The following ITLN1 variants were observed in gnomAD, a reference collection of about 807,000 sequenced individuals.
ITLN1 encodes intelectin-1.
A neutral mutation model predicts 36.2 loss-of-function variants in ITLN1; 29 were observed. That is an observed-to-expected ratio of 0.80 (90% confidence interval 0.60 to 1.09). The LOEUF (loss-of-function observed/expected upper bound fraction) is 1.09, where lower values mean the gene tolerates loss of function less well. ITLN1 is among the 50% of genes least tolerant of loss of function. The probability of loss-of-function intolerance (pLI) is 0.00; values close to 1 mark genes in which losing one functional copy is unlikely to be tolerated. For missense variants in ITLN1, 358 were observed against 405.2 expected (o/e 0.88, Z 1.00); for synonymous variants, 143 against 146.5 (o/e 0.98, Z 0.17).
chr1:160,880,889 C>T (rs1670665051), intron 5 of ITLN1, among the ~76,000 whole-genome samples, 181 bp from the exon 6 acceptor site: 1 of 152,186 alleles, frequency 6.6e-6, no homozygotes, highest in Non-Finnish European at 1.5e-5. Context: ...GAGAGCTGTG[C>T]TTCTGCGGCA....
intron 2 of ITLN1, among the ~76,000 whole-genome samples, chr1:160,883,870 A>C (rs1670717741): frequency 6.6e-6 from 1 of 152,232 alleles, no homozygotes; most frequent in African/African-American, 2.4e-5. Flanking sequence ...AATTGCTAAC[A>C]AGTCAACAGA....
At position 160,880,758 on chromosome 1, in the gene ITLN1, T is replaced by C. The variant is rs1251913313; in HGVS notation, c.565-50A>G. On this transcript the variant is annotated intron_variant, in intron 5 of 7. Transcript: ENST00000326245. ...TGGAGTAAAGACAATAGCTTTGCCATTACCAGCATCTCCTGGGATGCTGCC... is the reference window on the plus strand; with the variant it reads ...TGGAGTAAAGACAATAGCTTTGCCACTACCAGCATCTCCTGGGATGCTGCC... 3 of 1,602,620 alleles carry C rather than the reference T, an allele frequency of 1.9e-6. No homozygotes were observed. The South Asian group carries it at 3.3e-5, about 18-fold the overall frequency.
In ITLN1 at chr1:160,878,385, C is replaced by T. The variant is rs1194070910; in HGVS notation, c.789+926G>A. 6.4e-5 allele frequency among the ~76,000 whole-genome samples: 9 copies of T among 140,518 alleles called. 1 individual carries two copies. In the Middle Eastern group the frequency reaches 0.018, roughly 287 times the overall value. 92.2% of individuals were successfully genotyped at this position (140,518 alleles called of 152,430 possible). On this transcript the variant is annotated intron_variant, in intron 7 of 7. Transcript: ENST00000326245. ...CAGTCTCAGATATTTCTTTTTCTTT[C>T]TTTTTTTTTTTTTTTATTGAGACAG...
At chr1:160,880,389 T>G (rs1290017052) in intron 6 of ITLN1, among the ~76,000 whole-genome samples, 199 bp downstream of exon 6, 2 of 152,150 alleles carry the variant, frequency 1.3e-5, no homozygotes, top group African/African-American at 4.8e-5. Context: ...CACAAGTTTC[T>G]AAACCTCTCA....
intron 2 of ITLN1, 42 bp from the exon 3 acceptor site, chr1:160,883,568 CA>C (rs769493567): frequency 3.0e-6 from 4 of 1,344,758 alleles, no homozygotes; most frequent in Non-Finnish European, 3.2e-6. Context: ...CGGTTTGACA[CA>C]AAACCTACCC....
intron 2 of ITLN1, 132 bp downstream of exon 2, chr1:160,884,688 A>G: frequency 1.5e-6 from 1 of 652,288 alleles, no homozygotes; most frequent in South Asian, 2.0e-5. Context: ...GCCAGAGACC[A>G]GAAATCGGCA....
In ITLN1 at chr1:160,876,804, C is replaced by A; in HGVS notation, c.802G>T (p.Gly268Ter). The change falls in exon 8 of 8, where the codon GGA becomes TGA. Residue 268 changes from glycine to a stop codon, truncating the protein, a stop_gained. Transcript: ENST00000326245. LOFTEE classifies it low-confidence loss of function (END_TRUNC). ...CTGGCCTCTGGAAAGTATCCTCCTC[C>A]ACCAATGCAGTGCTGGGAAACAAAG... ...GCNTEHHCIG[G>*]GGYFPEASPQ... 1.2e-6 allele frequency: 2 copies of A among 1,614,176 alleles called. No individual in the cohort carries two copies. The highest frequency in any genetic ancestry group is 1.7e-6 in the Non-Finnish European group (2 of 1,180,004).
intron 3 of ITLN1, 27 bp downstream of exon 3, chr1:160,883,401 G>A (rs1328060162): frequency 1.3e-6 from 2 of 1,492,024 alleles, no homozygotes; most frequent in Admixed American, 3.3e-5. Flanking sequence ...CCCTGACTGA[G>A]CTCTGTTTGA....
intron 4 of ITLN1, 100 bp downstream of exon 4, chr1:160,881,857 C>T: frequency 1.3e-6 from 2 of 1,521,952 alleles, no homozygotes; most frequent in Non-Finnish European, 1.8e-6. Flanking sequence ...TTCTCCAGCC[C>T]ATCCCACACC....
At chr1:160,877,739 C>T (rs1469060150) in intron 7 of ITLN1, among the ~76,000 whole-genome samples, 1 of 152,160 alleles carries the variant, frequency 6.6e-6, no homozygotes, top group Non-Finnish European at 1.5e-5. Context: ...AATTGTAATC[C>T]CCAGTGTTGG....
intron 7 of ITLN1, 68 bp downstream of exon 7, chr1:160,879,243 C>T (rs1670639866): frequency 5.4e-6 from 6 of 1,109,678 alleles, no homozygotes; most frequent in Admixed American, 3.4e-5. Context: ...AACACACTCA[C>T]ACATACCAAC....
chr1:160,885,042 A>G lies in ITLN1; in HGVS notation c.-7+19T>C. ...AAAGCAGACCTAAGCTGAAAACAGG[A>G]TTCCCCCAACTCACAGACCTTGTCT... On this transcript the variant is annotated intron_variant, in intron 1 of 7. Transcript: ENST00000326245. 1 of 568,802 alleles carries G rather than the reference A, an allele frequency of 1.8e-6. No homozygotes were observed. Among genetic ancestry groups the G allele is most frequent in the Non-Finnish European group, 3.2e-6 (1 of 313,548 alleles). 35.2% of individuals were successfully genotyped at this position (568,802 alleles called of 1,614,324 possible).
At position 160,876,877 on chromosome 1, in the gene ITLN1, C is replaced by A; in HGVS notation, c.790-61G>T. The A allele has an allele frequency of 2.0e-6, 3 of 1,527,868 alleles. No individual in the cohort carries two copies. In the South Asian group the frequency reaches 3.5e-5, roughly 18 times the overall value. 94.6% of individuals were successfully genotyped at this position (1,527,868 alleles called of 1,614,324 possible). The stretch of plus-strand genomic sequence containing the variant: ...GATCTGCCAGTGAGGCCAATGCCAT[C>A]TTAACAGCTGAATCCAGTGATTTCT... On this transcript the variant is annotated intron_variant, in intron 7 of 7. Coordinates refer to ENST00000326245, the MANE Select transcript of ITLN1 (RefSeq NM_017625.3).
chr1:160,879,856 C>G (rs569264223), intron 6 of ITLN1, among the ~76,000 whole-genome samples: 215 of 152,276 alleles, frequency 1.4e-3, no homozygotes, highest in Middle Eastern at 3.4e-3. Context: ...CTCTGCGGAG[C>G]GTACTATGCT....
chr1:160,881,490 C>A, intron 4 of ITLN1, 178 bp from the exon 5 acceptor site: 1 of 633,910 alleles, frequency 1.6e-6, no homozygotes, highest in Non-Finnish European at 2.5e-6. Context: ...GCCCTAACAG[C>A]CTTGTTAGGA....
At chr1:160,879,012 A>C (rs1402361588) in intron 7 of ITLN1, among the ~76,000 whole-genome samples, 1 of 152,186 alleles carries the variant, frequency 6.6e-6, no homozygotes, top group African/African-American at 2.4e-5. Context: ...TCAGCACACA[A>C]GCCTCACCCC....
At position 160,881,269 on chromosome 1, in the gene ITLN1, C is replaced by T. The variant is rs1670674194; in HGVS notation, c.449G>A (p.Trp150Ter). The T allele has an allele frequency of 1.9e-6, 3 of 1,611,150 alleles. No homozygotes were observed. The highest frequency in any genetic ancestry group is 2.5e-6 in the Non-Finnish European group (3 of 1,178,472). Reference protein sequence around the residue: ...YDIQAKDLGIWHVPNKSPMQH... With the variant: ...YDIQAKDLGI ...CATGGGGGACTTATTGGGCACGTGC[C>T]AGATGCCCAGGTCCTTGGCCTGGAT... Residue 150 changes from tryptophan (W) to a stop codon, truncating the protein, a stop_gained, in exon 5 of 8, where the codon TGG becomes TAG. Coordinates refer to ENST00000326245, the MANE Select transcript of ITLN1 (RefSeq NM_017625.3). LOFTEE classifies it high-confidence loss of function.
At chr1:160,878,112 G>A (rs6678254) in intron 7 of ITLN1, among the ~76,000 whole-genome samples, 3,075 of 152,094 alleles carry the variant, frequency 0.02, 113 homozygotes, top group African/African-American at 0.07. Flanking sequence ...AAGTTGTGGC[G>A]AGCCTAGATC....
Position 160,884,695 on chromosome 1 carries a change from G to A in ITLN1, c.58+125C>T, listed in dbSNP as rs73029710. ...CAGATTCCGCCAGAGACCAGAAATC[G>A]GCACTCAGTCTACATGCAAGCCAGC... On this transcript the variant is annotated intron_variant, in intron 2 of 7. Transcript: ENST00000326245. 2,280 of 658,886 alleles carry A rather than the reference G, an allele frequency of 3.5e-3. 37 individuals are homozygous for A. The African/African-American group carries it at 0.037, about 11-fold the overall frequency. The allele number at this position is 658,886 out of a possible 1,614,324, so 40.8% of individuals were successfully genotyped here.
Sources: allele counts gnomAD v4.1 joint callset (sites outside exome capture counted in the v4.1 genomes callset), GRCh38; gene constraint gnomAD v4.1.1; transcripts MANE v1.5; gene names NCBI Gene and HGNC (gene_info 2026-07-23, HGNC 2026-07-21).